The following CNTN3 variants were observed in gnomAD, a reference collection of about 807,000 sequenced individuals.
CNTN3 encodes the protein contactin-3.
A neutral mutation model predicts 119.1 loss-of-function variants in CNTN3; 60 were observed. The observed-to-expected ratio is 0.50, with a 90% CI of 0.41 to 0.62. The LOEUF is 0.62. Ranked by LOEUF, CNTN3 falls within the 20% of genes least tolerant of loss-of-function variation. CNTN3 has a pLI of 0.00. For missense variants in CNTN3, 1,101 were observed against 1,242.4 expected (o/e 0.89, Z 1.71); for synonymous variants, 450 against 438.7 (o/e 1.03, Z -0.32).
intron 5 of CNTN3, among the ~76,000 whole-genome samples, chr3:74,389,555 A>T (rs1246786956): frequency 6.6e-6 from 1 of 152,218 alleles, no homozygotes; most frequent in Non-Finnish European, 1.5e-5. Flanking sequence ...CTAATACTTC[A>T]TGAGAATTGA....
chr3:74,494,265 C>T (rs539325927), intron 3 of CNTN3, among the ~76,000 whole-genome samples: 1 of 152,160 alleles, frequency 6.6e-6, no homozygotes, highest in Admixed American at 6.6e-5. Flanking sequence ...AATACGTGTA[C>T]ATCCATTCCC....
At position 74,478,266 on chromosome 3, in the gene CNTN3, G is replaced by A. The variant is rs11920009; in HGVS notation, c.358+8190C>T. Among the ~76,000 whole-genome samples the A allele has an allele frequency of 2.8e-3, 421 of 152,198 alleles. 3 individuals carry two copies. The highest frequency in any genetic ancestry group is 9.7e-3 in the African/African-American group (404 of 41,544). On this transcript the variant is annotated intron_variant, in intron 4 of 22. Transcript: ENST00000263665. ...CTGGGGGTAGCAGGCACATCTGGAA[G>A]AGGAAATGCAATATGACAATGGGAA...
chr3:74,376,527 C>T (rs1385233102), intron 5 of CNTN3, among the ~76,000 whole-genome samples: 2 of 152,170 alleles, frequency 1.3e-5, no homozygotes, highest in Non-Finnish European at 2.9e-5. Context: ...TCTCCCATCA[C>T]CCCTAGATGG....
At chr3:74,423,549 C>A (rs546119017) in intron 5 of CNTN3, among the ~76,000 whole-genome samples, 1 of 152,166 alleles carries the variant, frequency 6.6e-6, no homozygotes, top group Non-Finnish European at 1.5e-5. Context: ...TGTATCTCTT[C>A]GTAAAACCTC....
chr3:74,611,044 T>C (rs1705071155), intron 1 of CNTN3, among the ~76,000 whole-genome samples: 2 of 152,184 alleles, frequency 1.3e-5, no homozygotes. Flanking sequence ...GACAAAATTG[T>C]TCTCTTGTTT....
rs146636830 is a variant in CNTN3, at chr3:74,328,507, G to T, written c.1668+6228C>A. On this transcript the variant is annotated intron_variant, in intron 13 of 22. Coordinates refer to ENST00000263665, the MANE Select transcript of CNTN3 (RefSeq NM_020872.3). ...TGTTTTAACTCTGCTGTTTTTATGGGCTTTAGTACAAGAAGTCACATGTTG... is the reference window on the plus strand; with the variant it reads ...TGTTTTAACTCTGCTGTTTTTATGGTCTTTAGTACAAGAAGTCACATGTTG... Among the ~76,000 whole-genome samples the T allele has an allele frequency of 2.4e-4, 36 of 152,136 alleles. No individual in the cohort carries two copies. The East Asian group carries it at 6.2e-3, about 26-fold the overall frequency.
At chr3:74,360,841 T>A (rs1704057786) in intron 11 of CNTN3, among the ~76,000 whole-genome samples, 1 of 152,100 alleles carries the variant, frequency 6.6e-6, no homozygotes, top group African/African-American at 2.4e-5. Context: ...TTATCACAGC[T>A]CTCTGACCAA....
chr3:74,515,547 G>T (rs145909732), intron 2 of CNTN3, among the ~76,000 whole-genome samples: 1 of 152,030 alleles, frequency 6.6e-6, no homozygotes, highest in African/African-American at 2.4e-5. Flanking sequence ...ATTATTTGAC[G>T]CAAGAAACCA....
chr3:74,343,447 T>C (rs1254764783), intron 11 of CNTN3, among the ~76,000 whole-genome samples: 1 of 152,240 alleles, frequency 6.6e-6, no homozygotes, highest in East Asian at 1.9e-4. Context: ...ATTGTCCTTC[T>C]ACTTAGAGAC....
chr3:74,445,643 G>T (rs571649414), intron 4 of CNTN3, among the ~76,000 whole-genome samples: 23 of 152,322 alleles, frequency 1.5e-4, no homozygotes, highest in African/African-American at 5.5e-4. Flanking sequence ...AAGGCATGAA[G>T]TTGGAAAGTA....
intron 1 of CNTN3, among the ~76,000 whole-genome samples, chr3:74,539,794 A>G (rs1331235595): frequency 6.6e-6 from 1 of 152,170 alleles, no homozygotes; most frequent in Admixed American, 6.5e-5. Context: ...AATGAGGAGG[A>G]AAAAAGAATG....
chr3:74,560,757 A>G (rs148179842), intron 1 of CNTN3, among the ~76,000 whole-genome samples: 2,955 of 152,228 alleles, frequency 0.019, 46 homozygotes, highest in Admixed American at 0.055. Flanking sequence ...CACAATAGCA[A>G]AGACTTGGAA....
rs1702450727 is a variant in CNTN3, at chr3:74,301,386, A to G, written c.2095+12T>C. ...ATCTATTAATCCATTACTCAGAAAA[A>G]AAAACACTAACCTGCCTCTTCAGTT... On this transcript the variant is annotated intron_variant, in intron 16 of 22. Coordinates refer to ENST00000263665, the MANE Select transcript of CNTN3 (RefSeq NM_020872.3). The G allele has an allele frequency of 5.0e-6, 8 of 1,610,712 alleles. No homozygotes were observed. In the Admixed American group the frequency reaches 6.7e-5, roughly 14 times the overall value.
intron 1 of CNTN3, among the ~76,000 whole-genome samples, chr3:74,589,081 G>T: frequency 6.6e-6 from 1 of 150,702 alleles, no homozygotes. Context: ...AAAAGCAATG[G>T]CAACAAAAGC....
At position 74,301,510 on chromosome 3, in the gene CNTN3, A is replaced by G; in HGVS notation, c.1983T>C (p.Thr661=). 2 of 1,614,134 alleles carry G rather than the reference A, an allele frequency of 1.2e-6. No homozygotes were observed. The highest frequency in any genetic ancestry group is 1.1e-5 in the South Asian group (1 of 91,084). The change falls in exon 16 of 23, where the codon ACT becomes ACC. Residue 661 remains threonine (T), a synonymous_variant. Coordinates refer to ENST00000263665, the MANE Select transcript of CNTN3 (RefSeq NM_020872.3). ...CCACCCATGGGTTTAACTCAACTAC[A>G]GTGGCTGTGTGCGTCTTCCCATCGA... is the stretch of plus-strand genomic sequence containing the variant. ...EVIDGKTHTA[T]VVELNPWVEY...
intron 20 of CNTN3, among the ~76,000 whole-genome samples, chr3:74,269,818 TCA>T (rs775531480): frequency 3.4e-4 from 52 of 152,222 alleles, no homozygotes; most frequent in Middle Eastern, 3.4e-3. Context: ...AGTCAAAAAT[TCA>T]CAGAGACAGA....
intron 12 of CNTN3, 126 bp downstream of exon 12, chr3:74,336,405 T>C (rs1559552782): frequency 1.0e-6 from 1 of 994,772 alleles, no homozygotes; most frequent in South Asian, 1.8e-5. Context: ...AAAAATAACA[T>C]AAGTGCAAAT....
chr3:74,382,192 G>A lies in CNTN3; in HGVS notation c.455-10793C>T, dbSNP rs192180014. On this transcript the variant is annotated intron_variant, in intron 5 of 22. Coordinates refer to ENST00000263665, the MANE Select transcript of CNTN3 (RefSeq NM_020872.3). ...CTTTGAACTCCAGCCTGGACAAGAA[G>A]AGCAAAATTCCGCCTAAAAAAAAAC... Among the ~76,000 whole-genome samples, 30 of 152,044 alleles carry A rather than the reference G, an allele frequency of 2.0e-4. No homozygotes were observed. In the East Asian group the frequency reaches 5.8e-3, roughly 29 times the overall value.
chr3:74,452,066 C>A (rs1227655163), intron 4 of CNTN3, among the ~76,000 whole-genome samples: 1 of 147,396 alleles, frequency 6.8e-6, no homozygotes, highest in African/African-American at 2.5e-5. Flanking sequence ...TCATTGGTAG[C>A]TCGATGGGGA....
Sources: allele counts gnomAD v4.1 joint callset (sites outside exome capture counted in the v4.1 genomes callset), GRCh38; gene constraint gnomAD v4.1.1; transcripts MANE v1.5; gene names NCBI Gene and HGNC (gene_info 2026-07-23, HGNC 2026-07-21).